SERPINA12: variants seen among roughly 807,000 people sequenced by gnomAD.
SERPINA12 encodes serpin A12.
A neutral mutation model predicts 25.9 loss-of-function variants in SERPINA12; 21 were observed. The ratio of observed to expected loss-of-function variants is 0.81; its 90% confidence interval spans 0.58 to 1.17. SERPINA12 has a LOEUF of 1.17. SERPINA12 is among the 50% of genes most tolerant of loss of function. The pLI is 0.00. For missense variants in SERPINA12, 562 were observed against 508.3 expected (o/e 1.11, Z -1.02); for synonymous variants, 220 against 196.0 (o/e 1.12, Z -1.02).
chr14:94,491,497 G>A (rs1566805372), intron 3 of SERPINA12, among the ~76,000 whole-genome samples: 16 of 152,146 alleles, frequency 1.1e-4, no homozygotes, highest in Non-Finnish European at 1.5e-5. Context: ...ACTCTTGGTG[G>A]TGGTGGTGTG....
chr14:94,511,419 A>G, upstream of SERPINA12: 4 of 985,408 alleles, frequency 4.1e-6, no homozygotes, highest in Non-Finnish European at 4.8e-6. Context: ...ATATAAAAGC[A>G]GAAAAAAAAT....
chr14:94,497,771 G>C lies in SERPINA12; in HGVS notation c.627C>G (p.Phe209Leu), dbSNP rs1443526001. Reference sequence around the variant, plus strand: ...ACATGCCAAAAGCCTTACCTCGAAAGAAAATATAATTTGCAAGAAGCATCA... The same window carrying C: ...ACATGCCAAAAGCCTTACCTCGAAACAAAATATAATTTGCAAGAAGCATCA... Reference protein sequence around the residue: ...GTVMLLANYIFFRARWKHEFD... With the variant: ...GTVMLLANYILFRARWKHEFD... Residue 209 changes from phenylalanine to leucine, a missense_variant, in exon 2 of 5, where the codon TTC (phenylalanine) becomes TTG (leucine). By Grantham distance (22) the Phe-to-Leu change is conservative. Transcript: ENST00000677451. The C allele has an allele frequency of 1.2e-6, 2 of 1,603,146 alleles. No individual in the cohort carries two copies. The highest frequency in any genetic ancestry group is 3.4e-5 in the Admixed American group (2 of 58,056).
At chr14:94,490,207 G>T (rs987292007) in intron 3 of SERPINA12, among the ~76,000 whole-genome samples, 4 of 152,158 alleles carry the variant, frequency 2.6e-5, no homozygotes, top group Non-Finnish European at 5.9e-5. Context: ...TGAGCTCTGT[G>T]ACCTTCCCTC....
At chr14:94,512,070 C>T (rs1312923405), upstream of SERPINA12, among the ~76,000 whole-genome samples, 1 of 152,004 alleles carries the variant, frequency 6.6e-6, no homozygotes, top group Non-Finnish European at 1.5e-5. Context: ...TGCACTTCAG[C>T]CTGGGTGACA....
intron 1 of SERPINA12, among the ~76,000 whole-genome samples, chr14:94,503,020 A>T (rs1056564995): frequency 1.3e-5 from 2 of 152,206 alleles, no homozygotes; most frequent in Non-Finnish European, 2.9e-5. Flanking sequence ...TCCTTGCTAA[A>T]GGTGTGCCTT....
upstream of SERPINA12, chr14:94,511,599 A>G (rs1254527606): frequency 1.0e-6 from 1 of 985,280 alleles, no homozygotes; most frequent in Admixed American, 6.2e-5. Flanking sequence ...CACCACCTTC[A>G]GTTTTCCATC....
chr14:94,509,230 A>T lies in SERPINA12; in HGVS notation c.-34+112T>A, dbSNP rs890784833. Among the ~76,000 whole-genome samples the T allele has an allele frequency of 2.7e-5, 4 of 150,594 alleles. No homozygotes were observed. The East Asian group carries it at 7.8e-4, about 30-fold the overall frequency. On this transcript the variant is annotated intron_variant, in intron 1 of 4. Transcript: ENST00000677451. ...AGGACGCAGAATGTCTGTCTATTTG[A>T]GTGATCACCTTGGCCCTTGGTTGTC...
upstream of SERPINA12, among the ~76,000 whole-genome samples, chr14:94,510,973 A>G (rs1042992860): frequency 1.5e-4 from 23 of 152,124 alleles, no homozygotes; most frequent in African/African-American, 5.3e-4. Context: ...GGTATAAAAA[A>G]CTACATATTG....
chr14:94,493,122 C>T (rs1406412881), intron 3 of SERPINA12, among the ~76,000 whole-genome samples: 3 of 152,212 alleles, frequency 2.0e-5, no homozygotes, highest in African/African-American at 7.2e-5. Context: ...AGGGATAGCC[C>T]GTCCACCTCT....
upstream of SERPINA12, chr14:94,510,250 A>C (rs1455950174): frequency 2.0e-6 from 2 of 985,302 alleles, no homozygotes; most frequent in Admixed American, 1.2e-4. Flanking sequence ...AATTTCACTT[A>C]AAATAATATA....
At chr14:94,488,496 G>T (rs1277304948) in intron 4 of SERPINA12, among the ~76,000 whole-genome samples, 1 of 151,830 alleles carries the variant, frequency 6.6e-6, no homozygotes, top group African/African-American at 2.4e-5. Context: ...CCCAAAGTAG[G>T]GTTGCCAGGT....
At chr14:94,503,564 G>A (rs751620471) in intron 1 of SERPINA12, among the ~76,000 whole-genome samples, 1 of 152,204 alleles carries the variant, frequency 6.6e-6, no homozygotes, top group African/African-American at 2.4e-5. Flanking sequence ...AGGAGGAGGG[G>A]TATGTGGGTT....
intron 2 of SERPINA12, 139 bp from the exon 3 acceptor site, chr14:94,496,782 A>G: frequency 2.8e-6 from 2 of 704,072 alleles, no homozygotes. Context: ...CCTTGCCCTC[A>G]TGCCATGTCC....
chr14:94,515,984 G>C (rs189578377), exon 2 of SERPINA12: 9 of 152,478 alleles, frequency 5.9e-5, no homozygotes, highest in African/African-American at 2.2e-4. Context: ...ATCCAAGGTG[G>C]CGCCGAGAGA....
upstream of SERPINA12, chr14:94,511,541 A>T: frequency 1.0e-6 from 1 of 985,320 alleles, no homozygotes; most frequent in Non-Finnish European, 1.2e-6. Context: ...GGGATGGCTC[A>T]CTCTAGTATT....
chr14:94,508,867 T>G (rs113483938), intron 1 of SERPINA12, among the ~76,000 whole-genome samples: 5 of 152,306 alleles, frequency 3.3e-5, no homozygotes, highest in African/African-American at 1.2e-4. Flanking sequence ...CCTCATCTTA[T>G]TTTCTTCTTT....
In SERPINA12 at chr14:94,496,354, G is replaced by T; in HGVS notation, c.905+19C>A. 1 of 1,613,804 alleles carries T rather than the reference G, an allele frequency of 6.2e-7. No individual in the cohort carries two copies. Among genetic ancestry groups the T allele is most frequent in the Non-Finnish European group, 8.5e-7 (1 of 1,179,856 alleles). Reference sequence around the variant, plus strand: ...GACAAGAGAAGGAAAAAGCTGCGAGGGCTAGGCACCCACTTTACCTGCGTG... The same window carrying T: ...GACAAGAGAAGGAAAAAGCTGCGAGTGCTAGGCACCCACTTTACCTGCGTG... On this transcript the variant is annotated intron_variant, in intron 3 of 4. Coordinates refer to ENST00000677451, the MANE Select transcript of SERPINA12 (RefSeq NM_001382267.1).
In SERPINA12 at chr14:94,497,929, A is replaced by G; in HGVS notation, c.469T>C (p.Phe157Leu). The G allele has an allele frequency of 6.2e-7, 1 of 1,614,182 alleles. No individual in the cohort carries two copies. The highest frequency in any genetic ancestry group is 1.3e-5 in the African/African-American group (1 of 75,032). Residue 157 changes from phenylalanine (F) to leucine (L), a missense_variant, in exon 2 of 5, where the codon TTT (phenylalanine) becomes CTT (leucine). Phe to Leu is a conservative substitution (Grantham distance 22). Coordinates refer to ENST00000677451, the MANE Select transcript of SERPINA12 (RefSeq NM_001382267.1). ...GTAAGGATGGTTTCGGCACTGTAAA[A>G]GTTCTTGGCATCTTCCAAAAACTTA... ...QRKFLEDAKN[F>L]YSAETILTNF...
intron 1 of SERPINA12, chr14:94,500,764 G>C (rs550750251): frequency 6.0e-6 from 4 of 665,438 alleles, no homozygotes; most frequent in Admixed American, 6.3e-5. Context: ...ACCGGGGCTG[G>C]GTCCATGGAA....
Sources: gnomAD v4.1 joint callset for allele counts (sites outside exome capture counted in the v4.1 genomes callset) on GRCh38, gnomAD v4.1.1 for gene constraint, MANE v1.5 for transcripts, NCBI Gene and HGNC (gene_info 2026-07-23, HGNC 2026-07-21) for gene names.